Variants in ABCA3 observed in about 807,000 individuals in gnomAD.
ABCA3 encodes phospholipid-transporting ATPase ABCA3.
In ABCA3, 88 loss-of-function variants were observed where a neutral mutation model predicts 172.8. The ratio of observed to expected loss-of-function variants is 0.51; its 90% confidence interval spans 0.43 to 0.61. ABCA3 has a LOEUF of 0.61. ABCA3 is among the 20% of genes least tolerant of loss of function. The pLI is 0.00. For missense variants in ABCA3, 2,164 were observed against 2,301.0 expected (o/e 0.94, Z 1.22); for synonymous variants, 1,066 against 983.8 (o/e 1.08, Z -1.56).
intron 7 of ABCA3, 70 bp from the exon 8 acceptor site, chr16:2,319,910 A>C: frequency 6.3e-7 from 1 of 1,592,322 alleles, no homozygotes; most frequent in Non-Finnish European, 8.6e-7. Context: ...GGCCACGTGC[A>C]TGGGGTCCAT....
chr16:2,305,318 G>C (rs1325097186), intron 11 of ABCA3, among the ~76,000 whole-genome samples: 4 of 151,704 alleles, frequency 2.6e-5, no homozygotes, highest in South Asian at 2.1e-4. Context: ...ATTTTTTTTA[G>C]ACAGAGTCTC....
chr16:2,279,261 G>A lies in ABCA3; in HGVS notation c.4360-131C>T. On this transcript the variant is annotated intron_variant, in intron 28 of 32. Transcript: ENST00000301732. This position sits in a 1 kb window ranked among gnomAD's most constrained non-coding sequence, Gnocchi z 4.4. ...GTGGTTCCTGCCAGTGTGTGTACAC[G>A]GGGGCGCTGGAGCTATGCACAGGCC... 1.4e-5 allele frequency: 15 copies of A among 1,047,688 alleles called. No individual in the cohort carries two copies. Among genetic ancestry groups the A allele is most frequent in the Non-Finnish European group, 1.8e-5 (13 of 713,208 alleles). 64.9% of individuals were successfully genotyped at this position (1,047,688 alleles called of 1,614,324 possible).
At chr16:2,337,532 C>A (rs558533579) in intron 1 of ABCA3, among the ~76,000 whole-genome samples, 4 of 151,112 alleles carry the variant, frequency 2.6e-5, no homozygotes, top group Non-Finnish European at 4.4e-5. Flanking sequence ...CACCACCATG[C>A]CCGGCTAATT....
chr16:2,281,265 G>A lies in ABCA3; in HGVS notation c.4165-44C>T, dbSNP rs141811010. On this transcript the variant is annotated intron_variant, in intron 27 of 32. Coordinates refer to ENST00000301732, the MANE Select transcript of ABCA3 (RefSeq NM_001089.3). This position sits in a 1 kb window ranked among gnomAD's most constrained non-coding sequence, Gnocchi z 4.7. ...AAACACGGAATGCGGAGGCCTGGAC[G>A]CAAAGCAGAGCAGTCTGAGCCTCAG... The A allele has an allele frequency of 3.7e-6, 6 of 1,613,124 alleles. No homozygotes were observed. The highest frequency in any genetic ancestry group is 1.7e-5 in the Admixed American group (1 of 60,024).
rs766510841 is a variant in ABCA3 at position 2,278,248 on chromosome 16, G to A, written c.4718+40C>T. Reference sequence around the variant, plus strand: ...CACCTGGCTCCTCCATGGCCCACCCGGTGCTGAAACTTCCAGTAACCCACA... The same window carrying A: ...CACCTGGCTCCTCCATGGCCCACCCAGTGCTGAAACTTCCAGTAACCCACA... On this transcript the variant is annotated intron_variant, in intron 30 of 32. Coordinates refer to ENST00000301732, the MANE Select transcript of ABCA3 (RefSeq NM_001089.3). This position sits in a 1 kb window ranked among gnomAD's most constrained non-coding sequence, Gnocchi z 4.4. The A allele has an allele frequency of 1.0e-5, 16 of 1,603,188 alleles. No individual in the cohort carries two copies. Among genetic ancestry groups the A allele is most frequent in the Admixed American group, 1.7e-5 (1 of 59,992 alleles).
Position 2,278,845 on chromosome 16 carries a change from G to A in ABCA3, c.4547+98C>T. 1.3e-6 allele frequency: 2 copies of A among 1,541,426 alleles called. No individual in the cohort carries two copies. Among genetic ancestry groups the A allele is most frequent in the Admixed American group, 1.7e-5 (1 of 59,748 alleles). ...CTCCATCCTGGAGCCACAAGCAGGA[G>A]CTCTGGCTGCTGACCTGAGCGGTCA... On this transcript the variant is annotated intron_variant, in intron 29 of 32. Transcript: ENST00000301732. The surrounding 1 kb of genome is among the most constrained non-coding windows in gnomAD (Gnocchi z 4.4).
chr16:2,311,306 AT>A (rs1436598151), intron 10 of ABCA3, among the ~76,000 whole-genome samples: 1 of 152,126 alleles, frequency 6.6e-6, no homozygotes, highest in East Asian at 1.9e-4. Context: ...GTTGATGTAT[AT>A]AAAGAAAATC....
intron 11 of ABCA3, among the ~76,000 whole-genome samples, chr16:2,308,107 C>T (rs778185314): frequency 6.6e-6 from 1 of 152,234 alleles, no homozygotes; most frequent in Non-Finnish European, 1.5e-5. Flanking sequence ...GAAAGAGGCT[C>T]AGGTCACCGA....
rs368717709 is a variant in ABCA3 at position 2,287,971 on chromosome 16, C to A, written c.3004+55G>T. 64 of 1,589,650 alleles carry A rather than the reference C, an allele frequency of 4.0e-5. No individual in the cohort carries two copies. The East Asian group carries it at 5.8e-4, about 14-fold the overall frequency. On this transcript the variant is annotated intron_variant, in intron 21 of 32. Coordinates refer to ENST00000301732, the MANE Select transcript of ABCA3 (RefSeq NM_001089.3). The surrounding 1 kb of genome is among the most constrained non-coding windows in gnomAD (Gnocchi z 4.1). Reference sequence around the variant, plus strand: ...CCTGCTGCAGTCAGGAAGGCGAACTCTGGCTGCAGGACTGGCCCCCGATGC... The same window carrying A: ...CCTGCTGCAGTCAGGAAGGCGAACTATGGCTGCAGGACTGGCCCCCGATGC...
At position 2,340,236 on chromosome 16, in the gene ABCA3, G is replaced by A. The variant is rs1451199838; in HGVS notation, c.-539+337C>T. On this transcript the variant is annotated intron_variant, in intron 1 of 32. Transcript: ENST00000301732. ...TCCACCTTCTGGGCGCACACAGAGG[G>A]CCCGGGCCGTGCCGAGTCTCCGCAG... Among the ~76,000 whole-genome samples the A allele has an allele frequency of 3.3e-5, 5 of 152,144 alleles. No individual in the cohort carries two copies. The East Asian group carries it at 7.7e-4, about 23-fold the overall frequency.
intron 11 of ABCA3, 118 bp downstream of exon 11, chr16:2,308,332 G>T: frequency 8.0e-7 from 1 of 1,252,358 alleles, no homozygotes; most frequent in South Asian, 1.3e-5. Flanking sequence ...TGCCTTCAGT[G>T]GTCCCAACTG....
Position 2,331,546 on chromosome 16 carries a change from C to T in ABCA3, c.-538-1692G>A, listed in dbSNP as rs558658157. Among the ~76,000 whole-genome samples the T allele has an allele frequency of 8.5e-5, 13 of 152,332 alleles. No homozygotes were observed. In the East Asian group the frequency reaches 2.1e-3, roughly 25 times the overall value. On this transcript the variant is annotated intron_variant, in intron 1 of 32. Coordinates refer to ENST00000301732, the MANE Select transcript of ABCA3 (RefSeq NM_001089.3). ...ACGGCACCCAGCTTGTTGCCTGATA[C>T]GTGTGAGGCTTTACCTAAAGTCTCA...
chr16:2,289,146 C>A, intron 20 of ABCA3: 1 of 473,072 alleles, frequency 2.1e-6, no homozygotes, highest in South Asian at 2.7e-5. Flanking sequence ...ACCTCCGTGT[C>A]GTTGGCTGCT....
At chr16:2,319,975 C>T (rs544614073) in intron 7 of ABCA3, 135 bp from the exon 8 acceptor site, 82 of 1,147,922 alleles carry the variant, frequency 7.1e-5, no homozygotes, top group East Asian at 5.5e-4. Flanking sequence ...CCCCCGTGGC[C>T]GCTCAGTGGT....
At chr16:2,316,763 T>C (rs1275717752) in intron 10 of ABCA3, among the ~76,000 whole-genome samples, 1 of 151,918 alleles carries the variant, frequency 6.6e-6, no homozygotes, top group African/African-American at 2.4e-5. Context: ...CTGGGCATAC[T>C]GAATAACTTC....
At chr16:2,316,257 C>T (rs323067) in intron 10 of ABCA3, among the ~76,000 whole-genome samples, 42,688 of 138,286 alleles carry the variant, frequency 0.31, 6,795 homozygotes, top group Admixed American at 0.42. Context: ...TGCAGTGAGC[C>T]GTGTCTGTGC....
intron 10 of ABCA3, among the ~76,000 whole-genome samples, chr16:2,314,496 G>C (rs1401274608): frequency 3.3e-5 from 5 of 152,022 alleles, no homozygotes; most frequent in African/African-American, 4.8e-5. Flanking sequence ...GACTGTTTCA[G>C]TCGGGAAACA....
In ABCA3 at chr16:2,326,260, C is replaced by T; in HGVS notation, c.69G>A (p.Leu23=). ...KNYTLQKRKV[L]VTVLELFLPL... The stretch of plus-strand genomic sequence containing the variant: ...GCAGGAAGAGTTCCAGGACCGTCAC[C>T]AGGACCTTCCGCTTCTGGAAGAGAT... Residue 23 remains leucine, a synonymous_variant, in exon 5 of 33, where the codon CTG becomes CTA. Coordinates refer to ENST00000301732, the MANE Select transcript of ABCA3 (RefSeq NM_001089.3). 1 of 1,613,388 alleles carries T rather than the reference C, an allele frequency of 6.2e-7. No individual in the cohort carries two copies. The highest frequency in any genetic ancestry group is 8.5e-7 in the Non-Finnish European group (1 of 1,180,026).
At position 2,279,402 on chromosome 16, in the gene ABCA3, G is replaced by A. The variant is rs2093651739; in HGVS notation, c.4360-272C>T. ...CTGGTCCAGGACAGGCAGCCATGGG[G>A]TTAGGTGGTGCAAGAATGGCCTTTA... is the stretch of plus-strand genomic sequence containing the variant. On this transcript the variant is annotated intron_variant, in intron 28 of 32. Transcript: ENST00000301732. The surrounding 1 kb of genome is among the most constrained non-coding windows in gnomAD (Gnocchi z 4.4). 6.6e-6 allele frequency among the ~76,000 whole-genome samples: 1 copy of A among 152,214 alleles called. No homozygotes were observed. The highest frequency in any genetic ancestry group is 1.5e-5 in the Non-Finnish European group (1 of 68,040).
Sources: gnomAD v4.1 joint callset for allele counts (sites outside exome capture counted in the v4.1 genomes callset) on GRCh38, gnomAD v4.1.1 for gene constraint, Gnocchi (gnomAD v3.1) non-coding constraint, MANE v1.5 for transcripts, NCBI Gene and HGNC (gene_info 2026-07-23, HGNC 2026-07-21) for gene names.